PCDHGA1: variants seen among roughly 807,000 people sequenced by gnomAD.
PCDHGA1 encodes the protein protocadherin gamma subfamily A, 1.
PCDHGA1 carries 32 observed loss-of-function variants against 58.0 expected under a neutral mutation model. The observed-to-expected ratio is 0.55, with a 90% CI of 0.42 to 0.74. The LOEUF is 0.74. Ranked by LOEUF, PCDHGA1 falls within the 30% of genes least tolerant of loss-of-function variation. PCDHGA1 has a pLI of 0.00. For synonymous variants in PCDHGA1, 498 were observed against 501.1 expected, an observed-to-expected ratio of 0.99 and a Z score of 0.08; for missense variants, 1,205 against 1,182.3, an observed-to-expected ratio of 1.02 and a Z score of -0.28.
intron 1 of PCDHGA1, chr5:141,400,135 G>A (rs773410293): frequency 6.2e-7 from 1 of 1,614,074 alleles, no homozygotes; most frequent in Non-Finnish European, 8.5e-7. Flanking sequence ...GGTGCTGCCG[G>A]ATATCACTGA....
intron 1 of PCDHGA1, among the ~76,000 whole-genome samples, chr5:141,460,914 A>G (rs62379191): frequency 4.9e-5 from 6 of 122,236 alleles, no homozygotes; most frequent in Non-Finnish European, 5.2e-5. Context: ...TCCATGGTGT[A>G]TATATATATA....
At chr5:141,496,698 C>T (rs2099770595) in intron 2 of PCDHGA1, among the ~76,000 whole-genome samples, 1 of 152,196 alleles carries the variant, frequency 6.6e-6, no homozygotes, top group Non-Finnish European at 1.5e-5. Context: ...CCAACCTTCT[C>T]ATAAGTTATC....
chr5:141,351,594 C>T, intron 1 of PCDHGA1: 1 of 1,614,090 alleles, frequency 6.2e-7, no homozygotes, highest in East Asian at 2.2e-5. Context: ...AACGACAATG[C>T]ACCTGTTTTC....
intron 1 of PCDHGA1, chr5:141,378,737 T>C (rs982541693): frequency 3.3e-5 from 5 of 152,152 alleles, no homozygotes; most frequent in African/African-American, 1.2e-4. Flanking sequence ...TATTGAAATA[T>C]TTCAAGAAAA....
chr5:141,343,974 T>C (rs753400082), intron 1 of PCDHGA1: 24 of 1,393,170 alleles, frequency 1.7e-5, no homozygotes, highest in East Asian at 4.8e-5. Context: ...GAAAATAAGA[T>C]TGGAGTCCGT....
chr5:141,417,768 C>A lies in PCDHGA1; in HGVS notation c.2422-77039C>A, dbSNP rs1444250512. On this transcript the variant is annotated intron_variant, in intron 1 of 3. Coordinates refer to ENST00000517417, the MANE Select transcript of PCDHGA1 (RefSeq NM_018912.3). ...ATTGCCAGCTCCGAGACCCGGGACT[C>A]CTCCTGTCCTGGGCCGAATGCTCTT... is the stretch of plus-strand genomic sequence containing the variant. 1.3e-5 allele frequency: 19 copies of A among 1,451,358 alleles called. No individual in the cohort carries two copies. In the South Asian group the frequency reaches 1.7e-4, roughly 13 times the overall value. The allele number at this position is 1,451,358 out of a possible 1,614,324, so 89.9% of individuals were successfully genotyped here. A position where few individuals can be genotyped will look rare whatever the true frequency, so the allele number is the denominator to read the frequency against.
chr5:141,351,078 A>G (rs1758637541), intron 1 of PCDHGA1: 1 of 1,614,060 alleles, frequency 6.2e-7, no homozygotes, highest in African/African-American at 1.3e-5. Flanking sequence ...ATTAATGCAG[A>G]GATCACCTAT....
chr5:141,344,205 G>C, intron 1 of PCDHGA1: 1 of 1,614,036 alleles, frequency 6.2e-7, no homozygotes, highest in Non-Finnish European at 8.5e-7. Flanking sequence ...AGAGCCCCGG[G>C]AGCTGGCGGA....
rs2099411055 is a variant in PCDHGA1, at chr5:141,477,429, C to T, written c.2422-17378C>T. 6.2e-7 allele frequency: 1 copy of T among 1,614,218 alleles called. No individual in the cohort carries two copies. Among genetic ancestry groups the T allele is most frequent in the South Asian group, 1.1e-5 (1 of 91,082 alleles). ...CGAGACGCCGGAACCCCTTCCCTCT[C>T]AGCCCTTACAATAGTGCGTGTTCAA... On this transcript the variant is annotated intron_variant, in intron 1 of 3. Coordinates refer to ENST00000517417, the MANE Select transcript of PCDHGA1 (RefSeq NM_018912.3). The surrounding 1 kb of genome is among the most constrained non-coding windows in gnomAD (Gnocchi z 4.9).
chr5:141,473,269 A>G (rs2099318337), intron 1 of PCDHGA1, among the ~76,000 whole-genome samples: 1 of 152,208 alleles, frequency 6.6e-6, no homozygotes. Flanking sequence ...AGTGTATGCT[A>G]TGATTATTTT....
intron 1 of PCDHGA1, chr5:141,339,737 C>T: frequency 1.9e-6 from 3 of 1,614,088 alleles, no homozygotes; most frequent in Non-Finnish European, 8.5e-7. Flanking sequence ...GGAGAATACG[C>T]TCGTGGGCAC....
chr5:141,461,864 C>T (rs911351082), intron 1 of PCDHGA1, among the ~76,000 whole-genome samples: 5 of 151,900 alleles, frequency 3.3e-5, no homozygotes, highest in African/African-American at 9.7e-5. Context: ...GCTCTTGTTG[C>T]CCAGGCTGGA....
At position 141,431,747 on chromosome 5, in the gene PCDHGA1, C is replaced by T. The variant is rs371020840; in HGVS notation, c.2422-63060C>T. The T allele has an allele frequency of 5.0e-6, 8 of 1,614,064 alleles. No individual in the cohort carries two copies. In the Admixed American group the frequency reaches 5.0e-5, roughly 10 times the overall value. On this transcript the variant is annotated intron_variant, in intron 1 of 3. Transcript: ENST00000517417. This position sits in a 1 kb window ranked among gnomAD's most constrained non-coding sequence, Gnocchi z 4.8. ...AATGGATAATGCAGGATATTCTGCG[C>T]GAGCCAAAGTCCTGATCACTGTTCT...
intron 1 of PCDHGA1, chr5:141,383,792 CA>C: frequency 6.2e-7 from 1 of 1,613,914 alleles, no homozygotes; most frequent in Non-Finnish European, 8.5e-7. Context: ...AACTCGCTTA[CA>C]GGAGAAATAT....
At chr5:141,342,532 C>T (rs1472220892) in intron 1 of PCDHGA1, 1 of 152,098 alleles carries the variant, frequency 6.6e-6, no homozygotes, top group Non-Finnish European at 1.5e-5. Context: ...CTTTCCGTTG[C>T]ATTTGATCAA....
intron 2 of PCDHGA1, among the ~76,000 whole-genome samples, chr5:141,502,723 G>C (rs771399677): frequency 3.9e-5 from 6 of 152,124 alleles, no homozygotes; most frequent in Non-Finnish European, 8.8e-5. Flanking sequence ...TGATTACAAA[G>C]CGGTGATGTT....
At chr5:141,421,351 A>G in intron 1 of PCDHGA1, 2 of 1,613,988 alleles carry the variant, frequency 1.2e-6, no homozygotes, top group Non-Finnish European at 1.7e-6. Flanking sequence ...AGAGACCGAA[A>G]AGGGCTCCTT....
chr5:141,418,150 A>C (rs1377300460), intron 1 of PCDHGA1: 2 of 1,614,112 alleles, frequency 1.2e-6, no homozygotes, highest in Non-Finnish European at 8.5e-7. Context: ...AAATATGCAA[A>C]GAGAGAAGAA....
At chr5:141,458,988 C>T (rs996478276) in intron 1 of PCDHGA1, among the ~76,000 whole-genome samples, 1 of 152,208 alleles carries the variant, frequency 6.6e-6, no homozygotes, top group South Asian at 2.1e-4. Context: ...CTGCCTCACC[C>T]TCCCAAAGTG....
Sources: gnomAD v4.1 joint callset for allele counts (sites outside exome capture counted in the v4.1 genomes callset) on GRCh38, gnomAD v4.1.1 for gene constraint, Gnocchi (gnomAD v3.1) non-coding constraint, MANE v1.5 for transcripts, NCBI Gene and HGNC (gene_info 2026-07-23, HGNC 2026-07-21) for gene names.